The following PTPRD variants were observed in gnomAD, a reference collection of about 807,000 sequenced individuals.
PTPRD encodes protein tyrosine phosphatase receptor type D.
PTPRD carries 34 observed loss-of-function variants against 214.5 expected under a neutral mutation model. The observed-to-expected ratio is 0.16, with a 90% CI of 0.12 to 0.21. PTPRD has a LOEUF of 0.21. Among genes scored for constraint, PTPRD ranks in the 10% least tolerant of loss-of-function variants. PTPRD has a pLI of 1.00. For synonymous variants in PTPRD, 1,128 were observed against 845.7 expected (o/e 1.33, Z -5.79); for missense variants, 2,545 against 2,398.7 (o/e 1.06, Z -1.27).
At chr9:9,804,370 T>C (rs758221004) in intron 5 of PTPRD, among the ~76,000 whole-genome samples, 2 of 152,106 alleles carry the variant, frequency 1.3e-5, no homozygotes, top group Non-Finnish European at 2.9e-5. Context: ...CATTAATGTA[T>C]CAGCACACAG....
intron 2 of PTPRD, among the ~76,000 whole-genome samples, chr9:10,558,580 G>C (rs926983144): frequency 6.6e-6 from 1 of 152,084 alleles, no homozygotes; most frequent in Admixed American, 6.6e-5. Flanking sequence ...TCTCAGCCTA[G>C]TTAATTTATT....
In PTPRD at chr9:8,338,923, C is replaced by T; in HGVS notation, c.5378G>A (p.Arg1793Lys). 6.2e-7 allele frequency: 1 copy of T among 1,606,862 alleles called. No individual in the cohort carries two copies. ...GAGTTGAAGACTGTGCCAACTTACC[C>T]TGGCATCTGTGACCTTGAATTCCCT... ...ILREFKVTDA[R>K]DGQSRTVRQF... The change falls in exon 43 of 46, where the codon AGG becomes AAG. Residue 1793 changes from arginine to lysine, a missense_variant and splice_region_variant. Physicochemically the swap from Arg to Lys is conservative, Grantham distance 26 (BLOSUM62 2). Coordinates refer to ENST00000381196, the MANE Select transcript of PTPRD (RefSeq NM_002839.4).
At chr9:9,219,121 C>G (rs567175424) in intron 9 of PTPRD, among the ~76,000 whole-genome samples, 120 of 152,002 alleles carry the variant, frequency 7.9e-4, no homozygotes, top group African/African-American at 2.7e-3. Context: ...ATGTGAAAAT[C>G]CTTTTTAGAT....
intron 30 of PTPRD, among the ~76,000 whole-genome samples, chr9:8,483,682 G>A (rs1387545368): frequency 6.6e-6 from 1 of 152,206 alleles, no homozygotes; most frequent in East Asian, 1.9e-4. Flanking sequence ...GTGACGCTGA[G>A]GCAAGGGAAT....
At chr9:9,053,151 G>A (rs1011993985) in intron 10 of PTPRD, among the ~76,000 whole-genome samples, 1 of 152,094 alleles carries the variant, frequency 6.6e-6, no homozygotes, top group African/African-American at 2.4e-5. Context: ...GTATTAGGTT[G>A]AATGTTTGCA....
chr9:10,047,347 T>C (rs1029603323), intron 3 of PTPRD, among the ~76,000 whole-genome samples: 1 of 150,358 alleles, frequency 6.7e-6, no homozygotes, highest in Non-Finnish European at 1.5e-5. Context: ...TGCGTGTGTG[T>C]GTGTGCTTGT....
intron 12 of PTPRD, among the ~76,000 whole-genome samples, chr9:8,681,936 C>G (rs113669236): frequency 1.6e-3 from 249 of 152,150 alleles, no homozygotes; most frequent in African/African-American, 5.7e-3. Flanking sequence ...GCTGAACAAC[C>G]GACTACGGTA....
At chr9:9,454,043 T>C (rs1156772997) in intron 8 of PTPRD, among the ~76,000 whole-genome samples, 1 of 151,774 alleles carries the variant, frequency 6.6e-6, no homozygotes, top group Non-Finnish European at 1.5e-5. Context: ...TTTTCCTTAT[T>C]TATATTTCCT....
chr9:9,890,728 C>A (rs2073008490), intron 5 of PTPRD, among the ~76,000 whole-genome samples: 1 of 151,926 alleles, frequency 6.6e-6, no homozygotes, highest in African/African-American at 2.4e-5. Flanking sequence ...GGTGCCATTT[C>A]CAGAAACACA....
intron 8 of PTPRD, among the ~76,000 whole-genome samples, chr9:9,509,958 T>C (rs1213811794): frequency 1.3e-5 from 2 of 151,648 alleles, no homozygotes; most frequent in Admixed American, 1.3e-4. Context: ...GGCTGCCTGA[T>C]AGTCCCTAAC....
chr9:9,975,094 G>A (rs1029511163), intron 4 of PTPRD, among the ~76,000 whole-genome samples: 22 of 151,818 alleles, frequency 1.4e-4, no homozygotes, highest in South Asian at 2.1e-4. Flanking sequence ...CCACTCTCCC[G>A]TTAGCACTGT....
intron 8 of PTPRD, among the ~76,000 whole-genome samples, chr9:9,463,227 G>T (rs2093825693): frequency 6.6e-6 from 1 of 152,172 alleles, no homozygotes; most frequent in Non-Finnish European, 1.5e-5. Context: ...TTTGCTTTAA[G>T]AATCAGGCAG....
intron 2 of PTPRD, among the ~76,000 whole-genome samples, chr9:10,523,990 T>C (rs1406248641): frequency 6.6e-6 from 1 of 151,974 alleles, no homozygotes; most frequent in East Asian, 1.9e-4. Context: ...AAGTCCAAGA[T>C]GATGGTGCCA....
chr9:10,361,267 T>C (rs900581001), intron 2 of PTPRD, among the ~76,000 whole-genome samples: 1 of 152,178 alleles, frequency 6.6e-6, no homozygotes, highest in African/African-American at 2.4e-5. Context: ...TTGTGGTATC[T>C]CATGTCATGG....
At chr9:8,393,140 G>A (rs1429390369) in intron 36 of PTPRD, among the ~76,000 whole-genome samples, 2 of 152,056 alleles carry the variant, frequency 1.3e-5, no homozygotes, top group African/African-American at 4.8e-5. Context: ...TTTTTGGGGG[G>A]TGACTTTCTC....
intron 11 of PTPRD, among the ~76,000 whole-genome samples, chr9:8,990,086 A>G (rs62529154): frequency 0.1 from 15,868 of 152,228 alleles, 1,120 homozygotes; most frequent in South Asian, 0.2. Flanking sequence ...ATTTGTGAAG[A>G]AGGTATTTGT....
intron 3 of PTPRD, among the ~76,000 whole-genome samples, chr9:10,058,101 G>A (rs1315016984): frequency 2.0e-5 from 3 of 152,004 alleles, no homozygotes; most frequent in African/African-American, 7.2e-5. Flanking sequence ...ATGTTTGATT[G>A]TTTTGGCTAC....
intron 5 of PTPRD, among the ~76,000 whole-genome samples, chr9:9,837,332 C>G (rs780161934): frequency 6.6e-6 from 1 of 152,128 alleles, no homozygotes; most frequent in Non-Finnish European, 1.5e-5. Flanking sequence ...GTTACAATAT[C>G]TAACACAGGA....
chr9:9,387,797 A>G (rs2064379651), intron 9 of PTPRD, among the ~76,000 whole-genome samples: 1 of 152,158 alleles, frequency 6.6e-6, no homozygotes, highest in Non-Finnish European at 1.5e-5. Flanking sequence ...ACAGATGGGC[A>G]GGCTGTGGGG....
Sources: gnomAD v4.1 joint callset for allele counts (sites outside exome capture counted in the v4.1 genomes callset) on GRCh38, gnomAD v4.1.1 for gene constraint, MANE v1.5 for transcripts, NCBI Gene and HGNC (gene_info 2026-07-23, HGNC 2026-07-21) for gene names.